Variants in SMG7 observed in about 807,000 individuals in gnomAD.
SMG7 encodes the protein nonsense-mediated mRNA decay factor SMG7.
Under a neutral mutation model 148.2 loss-of-function variants are expected in SMG7, and 34 were observed. The observed-to-expected ratio is 0.23, with a 90% CI of 0.17 to 0.31. SMG7 has a LOEUF of 0.31. SMG7 is among the 10% of genes least tolerant of loss of function. The probability of loss-of-function intolerance (pLI) is 1.00; values close to 1 mark genes in which losing one functional copy is unlikely to be tolerated. For missense variants in SMG7, 1,114 were observed against 1,408.4 expected, an observed-to-expected ratio of 0.79 and a Z score of 3.35; for synonymous variants, 492 against 515.1, an observed-to-expected ratio of 0.96 and a Z score of 0.61.
intron 16 of SMG7, 113 bp from the exon 17 acceptor site, chr1:183,545,853 C>T (rs1669827364): frequency 3.1e-6 from 4 of 1,276,438 alleles, no homozygotes; most frequent in Non-Finnish European, 4.3e-6. Flanking sequence ...GCTGCCTTGC[C>T]TAGAGTTTTG....
intron 1 of SMG7, among the ~76,000 whole-genome samples, chr1:183,484,693 A>G (rs1436833660): frequency 1.3e-5 from 2 of 152,132 alleles, no homozygotes; most frequent in Non-Finnish European, 2.9e-5. Context: ...TGATGTGGCC[A>G]TATAGGTATA....
Position 183,553,769 on chromosome 1 carries a change from T to C in SMG7, c.*1838T>C, listed in dbSNP as rs1359062896. On this transcript the variant is annotated 3_prime_UTR_variant, in exon 23 of 23. Transcript: ENST00000688051. ...CCCCTTCCCTGTGTCCACCTTTCTC[T>C]CCTCTTCCCAAGCCTTTTTCCTACT... is the stretch of plus-strand genomic sequence containing the variant. 1 of 152,980 alleles carries C rather than the reference T, an allele frequency of 6.5e-6. No individual in the cohort carries two copies. Among genetic ancestry groups the C allele is most frequent in the Non-Finnish European group, 1.5e-5 (1 of 68,638 alleles). The allele number at this position is 152,980 out of a possible 1,614,324, so 9.5% of individuals were successfully genotyped here.
At chr1:183,548,707 T>TAAG (rs1344836768) in intron 18 of SMG7, among the ~76,000 whole-genome samples, 1 of 152,216 alleles carries the variant, frequency 6.6e-6, no homozygotes, top group Non-Finnish European at 1.5e-5. Context: ...AAATGTAAGC[T>TAAG]TGACTTTTAG....
At chr1:183,492,337 T>C (rs1413430595) in intron 1 of SMG7, among the ~76,000 whole-genome samples, 2 of 152,234 alleles carry the variant, frequency 1.3e-5, no homozygotes, top group African/African-American at 4.8e-5. Context: ...TGGCTATACA[T>C]GTAAAAACAC....
At chr1:183,529,315 G>A in intron 7 of SMG7, 83 bp from the exon 8 acceptor site, 10 of 1,468,464 alleles carry the variant, frequency 6.8e-6, no homozygotes, top group African/African-American at 4.2e-5. Flanking sequence ...TGTGTATCAA[G>A]TATTTAGCAA....
rs1669031764 is a variant in SMG7 at position 183,542,405 on chromosome 1, A to G, written c.1745A>G (p.Asn582Ser). The change falls in exon 14 of 23, where the codon AAT (asparagine) becomes AGT (serine). Residue 582 changes from asparagine to serine, a missense_variant. Transcript: ENST00000688051. ...AGCAAAGGAATAACTGTAACTAAGA[A>G]TGATGGAAAGAAGGACAACAACAAG... ...DYSKGITVTK[N>S]DGKKDNNKRK... 2 of 1,614,052 alleles carry G rather than the reference A, an allele frequency of 1.2e-6. No individual in the cohort carries two copies. The highest frequency in any genetic ancestry group is 1.7e-6 in the Non-Finnish European group (2 of 1,179,930).
chr1:183,533,774 G>A lies in SMG7; in HGVS notation c.1105G>A (p.Asp369Asn), dbSNP rs762724945. 1 of 1,613,688 alleles carries A rather than the reference G, an allele frequency of 6.2e-7. No individual in the cohort carries two copies. The highest frequency in any genetic ancestry group is 8.5e-7 in the Non-Finnish European group (1 of 1,179,712). The change falls in exon 10 of 23, where the codon GAC (aspartate) becomes AAC (asparagine). Residue 369 changes from aspartate (D) to asparagine (N), a missense_variant. By Grantham distance (23) the Asp-to-Asn change is conservative (BLOSUM62 1). This residue lies in a region of SMG7 where 102 missense variants were observed against 147.2 expected (regional missense o/e 0.69). Transcript: ENST00000688051. ...TCTTCCAGCAGTCAAGGTCTCCATG[G>A]ACTGGCTAAGACTCAGACCCAGGGT... ...YPLPAVKVSM[D>N]WLRLRPRVFQ...
chr1:183,473,156 CTG>C (rs1651178230), intron 1 of SMG7, among the ~76,000 whole-genome samples: 1 of 151,894 alleles, frequency 6.6e-6, no homozygotes, highest in African/African-American at 2.4e-5. Context: ...CCGCAGGAAA[CTG>C]GAGCTTGTTC....
intron 1 of SMG7, among the ~76,000 whole-genome samples, chr1:183,483,093 G>T (rs1654573050): frequency 6.6e-6 from 1 of 152,178 alleles, no homozygotes; most frequent in Non-Finnish European, 1.5e-5. Context: ...TTTTCCTACT[G>T]TTGTGTCTTG....
chr1:183,536,716 TTGTGTGGTA>T (rs1238252099), intron 10 of SMG7, among the ~76,000 whole-genome samples: 1 of 152,186 alleles, frequency 6.6e-6, no homozygotes, highest in East Asian at 1.9e-4. Context: ...GGAATGTGAT[TTGTGTGGTA>T]TAACCATACC....
intron 20 of SMG7, among the ~76,000 whole-genome samples, chr1:183,550,326 T>C (rs1012399923): frequency 5.9e-5 from 9 of 152,158 alleles, no homozygotes; most frequent in Non-Finnish European, 1.0e-4. Context: ...CATCTCAGCC[T>C]CCCAAGTAGC....
intron 3 of SMG7, among the ~76,000 whole-genome samples, chr1:183,517,097 A>G (rs1663722178): frequency 6.6e-6 from 1 of 152,228 alleles, no homozygotes; most frequent in East Asian, 1.9e-4. Flanking sequence ...ATTTTATAAC[A>G]GGATTTTGGT....
Position 183,506,404 on chromosome 1 carries a change from A to G in SMG7, c.30-6433A>G, listed in dbSNP as rs1276085072. Among the ~76,000 whole-genome samples the G allele has an allele frequency of 2.6e-5, 4 of 152,146 alleles. No individual in the cohort carries two copies. In the East Asian group the frequency reaches 5.8e-4, roughly 22 times the overall value. ...GATTTTCTTTTCCAAATGACATTCAACAGTAGAGCAATATGATTTATTTTT... is the reference window on the plus strand; with the variant it reads ...GATTTTCTTTTCCAAATGACATTCAGCAGTAGAGCAATATGATTTATTTTT... On this transcript the variant is annotated intron_variant, in intron 1 of 22. Coordinates refer to ENST00000688051, the MANE Select transcript of SMG7 (RefSeq NM_001375584.1).
At chr1:183,514,216 CAAAA>C (rs36125833) in intron 2 of SMG7, among the ~76,000 whole-genome samples, 5 of 99,150 alleles carry the variant, frequency 5.0e-5, no homozygotes, top group South Asian at 7.1e-4. Context: ...GTGAAATTCA[CAAAA>C]AAAAAAAAAA....
chr1:183,502,256 G>T, intron 1 of SMG7: 1 of 1,527,344 alleles, frequency 6.5e-7, no homozygotes, highest in Non-Finnish European at 8.8e-7. Flanking sequence ...TATCTAGAAT[G>T]TCTTAAACCA....
At chr1:183,514,879 A>AT (rs1663118516) in intron 2 of SMG7, among the ~76,000 whole-genome samples, 1 of 152,208 alleles carries the variant, frequency 6.6e-6, no homozygotes, top group South Asian at 2.1e-4. Flanking sequence ...AATCCAGGAG[A>AT]TTCTCTTTGC....
chr1:183,502,069 A>T (rs1659853321), intron 1 of SMG7, among the ~76,000 whole-genome samples: 1 of 152,182 alleles, frequency 6.6e-6, no homozygotes, highest in Non-Finnish European at 1.5e-5. Flanking sequence ...TCTGTTAGAA[A>T]TATATGAGAC....
chr1:183,506,677 A>C (rs959609575), intron 1 of SMG7, among the ~76,000 whole-genome samples: 2 of 149,960 alleles, frequency 1.3e-5, no homozygotes, highest in African/African-American at 4.9e-5. Flanking sequence ...ACACGAAAAA[A>C]CTCCCAGCGT....
At chr1:183,547,845 T>C (rs1670196959) in intron 18 of SMG7, among the ~76,000 whole-genome samples, 1 of 152,064 alleles carries the variant, frequency 6.6e-6, no homozygotes, top group Admixed American at 6.6e-5. Context: ...TGAAAATAAC[T>C]AGAATCACAT....
Sources: allele counts gnomAD v4.1 joint callset (sites outside exome capture counted in the v4.1 genomes callset), GRCh38; gene constraint gnomAD v4.1.1; regional missense constraint gnomAD v4.1.1; transcripts MANE v1.5; gene names NCBI Gene and HGNC (gene_info 2026-07-23, HGNC 2026-07-21).